Variants in PDXDC1 observed in about 807,000 individuals in gnomAD.
PDXDC1 encodes pyridoxal-dependent decarboxylase domain-containing protein 1.
In PDXDC1, 42 loss-of-function variants were observed where a neutral mutation model predicts 100.1. The observed-to-expected ratio is 0.42, with a 90% confidence interval of 0.33 to 0.54. PDXDC1 has a LOEUF of 0.54. PDXDC1 is among the 20% of genes least tolerant of loss of function. The pLI, the probability that PDXDC1 is intolerant of heterozygous loss-of-function variation, is 0.10. For synonymous variants in PDXDC1, 260 were observed against 371.7 expected (o/e 0.70, Z 3.46); for missense variants, 636 against 979.2 (o/e 0.65, Z 4.68).
intron 1 of PDXDC1, chr16:14,990,107 C>T (rs1299917640): frequency 1.4e-6 from 2 of 1,479,454 alleles, no homozygotes; most frequent in East Asian, 3.2e-5. Flanking sequence ...GGCGGCGGGC[C>T]CAGCTGCTCG....
chr16:15,031,769 C>G lies in PDXDC1; in HGVS notation c.1434C>G (p.Leu478=), dbSNP rs759418191. ...LGTRGEDVDQ[L]VACIESKLPV... ...CTCGGGGAGAGGATGTGGATCAGCT[C>G]GTAGCCTGCATAGAAAGCAAACTGC... The change falls in exon 17 of 23, where the codon CTC becomes CTG. Residue 478 remains leucine, a synonymous_variant. Coordinates refer to ENST00000396410, the MANE Select transcript of PDXDC1 (RefSeq NM_015027.4). 25 of 1,613,658 alleles carry G rather than the reference C, an allele frequency of 1.5e-5. No individual in the cohort carries two copies. Among genetic ancestry groups the G allele is most frequent in the Non-Finnish European group, 2.1e-5 (25 of 1,179,704 alleles).
chr16:15,057,215 G>T (rs574502741), intron 16 of PDXDC1, among the ~76,000 whole-genome samples: 2 of 152,248 alleles, frequency 1.3e-5, no homozygotes, highest in South Asian at 2.1e-4. Context: ...CTAAAGAAAT[G>T]ACTGTAGAAG....
chr16:15,048,177 A>C (rs1473059564), intron 16 of PDXDC1: 2 of 1,015,326 alleles, frequency 2.0e-6, no homozygotes, highest in Non-Finnish European at 3.0e-6. Context: ...AGAGAGCCAA[A>C]GTGGGCTCTG....
chr16:15,150,198 G>A, the PDXDC1 span, among the ~76,000 whole-genome samples: 1 of 151,772 alleles, frequency 6.6e-6, no homozygotes, highest in South Asian at 2.1e-4. Context: ...CAAAAAATTA[G>A]CTGGGCATGG....
intron 8 of PDXDC1, among the ~76,000 whole-genome samples, chr16:15,015,028 C>T (rs2041677138): frequency 6.6e-6 from 1 of 152,280 alleles, no homozygotes; most frequent in Non-Finnish European, 1.5e-5. Context: ...AGCTCTGCCT[C>T]CCAGGTTCAC....
downstream of PDXDC1, chr16:15,038,401 C>A (rs1485354710): frequency 3.2e-6 from 2 of 623,460 alleles, no homozygotes; most frequent in Non-Finnish European, 5.6e-6. Context: ...CCATCTAGGA[C>A]TTGACATATC....
chr16:15,143,029 C>A (rs1465117696), downstream of PDXDC1, among the ~76,000 whole-genome samples: 1 of 152,152 alleles, frequency 6.6e-6, no homozygotes, highest in Non-Finnish European at 1.5e-5. Flanking sequence ...TGATGGGTGC[C>A]CGAGGGCCAG....
intron 16 of PDXDC1, chr16:15,131,103 G>T (rs1451728222): frequency 2.9e-5 from 47 of 1,607,296 alleles, no homozygotes; most frequent in Middle Eastern, 2.2e-4. Flanking sequence ...GCAGCGTATA[G>T]TTGAGCTGCA....
At chr16:15,044,752 G>A (rs1022181717) in intron 16 of PDXDC1, 31 of 260,510 alleles carry the variant, frequency 1.2e-4, no homozygotes, top group Non-Finnish European at 1.7e-4. Context: ...GGGAGGCTGA[G>A]GTGGGCGGAT....
At chr16:14,995,312 G>T (rs551604958) in intron 1 of PDXDC1, among the ~76,000 whole-genome samples, 116 of 152,394 alleles carry the variant, frequency 7.6e-4, no homozygotes, top group Non-Finnish European at 1.4e-3. Flanking sequence ...TTGAGATATG[G>T]TCCGTCAATA....
Position 15,055,819 on chromosome 16 carries a change from G to A in PDXDC1, c.1399+25763G>A, listed in dbSNP as rs1408026395. The A allele has an allele frequency of 4.9e-6, 4 of 820,536 alleles. No individual in the cohort carries two copies. In the East Asian group the frequency reaches 1.0e-4, roughly 21 times the overall value. The allele number at this position is 820,536 out of a possible 1,614,324, so 50.8% of individuals were successfully genotyped here. On this transcript the variant is annotated intron_variant, in intron 16 of 16. Coordinates refer to the PDXDC1 transcript ENST00000535621. ...GCCAAGTTTCAAGTCTGTGTCGCGTGAGGGGGGCGCTAGCCCGCCCTGCAG... is the reference window on the plus strand; with the variant it reads ...GCCAAGTTTCAAGTCTGTGTCGCGTAAGGGGGGCGCTAGCCCGCCCTGCAG...
chr16:14,982,858 A>T (rs1369980548), intron 1 of PDXDC1, among the ~76,000 whole-genome samples: 1 of 152,262 alleles, frequency 6.6e-6, no homozygotes, highest in Non-Finnish European at 1.5e-5. Context: ...GGAGGAAAAG[A>T]AATGCTTTTT....
chr16:14,990,597 C>A (rs1223483417), intron 1 of PDXDC1, among the ~76,000 whole-genome samples: 1 of 152,278 alleles, frequency 6.6e-6, no homozygotes, highest in African/African-American at 2.4e-5. Flanking sequence ...TTTGAATTAT[C>A]CAATTAATGC....
chr16:14,978,605 G>A (rs1463674635), intron 1 of PDXDC1, among the ~76,000 whole-genome samples: 1 of 152,292 alleles, frequency 6.6e-6, no homozygotes, highest in Non-Finnish European at 1.5e-5. Flanking sequence ...ATATTGCCCA[G>A]GCTGGTCCCA....
At chr16:15,150,503 A>T in the PDXDC1 span, among the ~76,000 whole-genome samples, 1 of 151,238 alleles carries the variant, frequency 6.6e-6, no homozygotes, top group Non-Finnish European at 1.5e-5. Context: ...CATCTCTACT[A>T]AAAATATTTT....
chr16:15,048,228 C>G (rs745652820), intron 16 of PDXDC1: 8 of 632,176 alleles, frequency 1.3e-5, no homozygotes, highest in Non-Finnish European at 2.2e-5. Context: ...TGTTAGTGGA[C>G]AGAGAGGCTC....
intron 16 of PDXDC1, among the ~76,000 whole-genome samples, chr16:15,076,047 C>G (rs898727144): frequency 6.6e-6 from 1 of 152,136 alleles, no homozygotes; most frequent in African/African-American, 2.4e-5. Flanking sequence ...CCCCAGAATG[C>G]CTGGTGGGAG....
At chr16:15,060,557 A>C (rs1347327779) in intron 16 of PDXDC1, 1 of 153,800 alleles carries the variant, frequency 6.5e-6, no homozygotes, top group Admixed American at 6.5e-5. Flanking sequence ...CCATTTTCAC[A>C]AGTAAACAAA....
At chr16:15,150,361 AT>A in the PDXDC1 span, among the ~76,000 whole-genome samples, 8 of 149,600 alleles carry the variant, frequency 5.3e-5, no homozygotes, top group African/African-American at 2.0e-4. Flanking sequence ...AAATAAATAA[AT>A]AAATAAATAA....
Sources: allele counts gnomAD v4.1 joint callset (sites outside exome capture counted in the v4.1 genomes callset), GRCh38; gene constraint gnomAD v4.1.1; transcripts MANE v1.5; gene names NCBI Gene and HGNC (gene_info 2026-07-23, HGNC 2026-07-21).